Variants in ZBED6 observed in about 807,000 individuals in gnomAD.
ZBED6 encodes the protein zinc finger BED domain-containing protein 6.
In ZBED6, 40 loss-of-function variants were observed where a neutral mutation model predicts 58.4. The ratio of observed to expected loss-of-function variants is 0.68; its 90% confidence interval spans 0.53 to 0.89. The LOEUF (loss-of-function observed/expected upper bound fraction) is 0.89. Among genes scored for constraint, ZBED6 ranks in the 40% least tolerant of loss-of-function variants. The probability of loss-of-function intolerance (pLI) is 0.00; values close to 1 mark genes in which losing one functional copy is unlikely to be tolerated. For synonymous variants in ZBED6, 439 were observed against 350.6 expected, an observed-to-expected ratio of 1.25 and a Z score of -2.82; for missense variants, 1,057 against 1,003.9, an observed-to-expected ratio of 1.05 and a Z score of -0.71.
chr1:203,848,280 G>T lies in ZBED6; in HGVS notation c.*4246-51G>T, dbSNP rs376459558. 7.2e-4 allele frequency: 1,050 copies of T among 1,454,180 alleles called. 8 individuals carry two copies. The African/African-American group carries it at 0.013, about 19-fold the overall frequency. 90.1% of individuals were successfully genotyped at this position (1,454,180 alleles called of 1,614,324 possible). A position where few individuals can be genotyped will look rare whatever the true frequency, so the allele number is the denominator to read the frequency against. Reference sequence around the variant, plus strand: ...AAGTTTTGTTTAACATATCTATCATGAAGTTGCAGCTTAAATAAAATAACT... The same window carrying T: ...AAGTTTTGTTTAACATATCTATCATTAAGTTGCAGCTTAAATAAAATAACT... On this transcript the variant is annotated intron_variant, in intron 12 of 16. Coordinates refer to ENST00000550078, the Ensembl canonical transcript of ZBED6.
exon 1 of ZBED6, chr1:203,801,440 C>A (rs1289676694): frequency 6.6e-6 from 1 of 152,152 alleles, no homozygotes; most frequent in Non-Finnish European, 1.5e-5. Context: ...ATTTTAAGAT[C>A]CCTTTCTACT....
At position 203,796,330 on chromosome 1, in the gene ZBED6, A is replaced by G. The variant is rs1334624276; in HGVS notation, c.-1193A>G. The G allele has an allele frequency of 1.3e-5, 5 of 398,160 alleles. No homozygotes were observed. The highest frequency in any genetic ancestry group is 1.8e-5 in the Non-Finnish European group (4 of 225,848). 24.7% of individuals were successfully genotyped at this position (398,160 alleles called of 1,614,324 possible). On this transcript the variant is annotated 5_prime_UTR_variant, in exon 1 of 17. In the 5' UTR this introduces an upstream ATG that the reference lacks. Transcript: ENST00000550078. ...TTGGAGCTTGTCTCAAACTCCACAT[A>G]CAGAAAGCCACCGACCTTATTCCGG... is the stretch of plus-strand genomic sequence containing the variant.
At chr1:203,795,694 T>G (rs920862983), upstream of ZBED6, 4 of 152,194 alleles carry the variant, frequency 2.6e-5, no homozygotes, top group Non-Finnish European at 5.9e-5. Flanking sequence ...CTGCTGCTGC[T>G]GGGAGGACGA....
In ZBED6 at chr1:203,822,022, C is replaced by G. The variant is rs545459574; in HGVS notation, c.*2873+3333C>G. Among the ~76,000 whole-genome samples, 473 of 151,986 alleles carry G rather than the reference C, an allele frequency of 3.1e-3. 1 individual carries two copies. The highest frequency in any genetic ancestry group is 5.3e-3 in the East Asian group (27 of 5,134). On this transcript the variant is annotated intron_variant, in intron 3 of 16. Coordinates refer to ENST00000550078, the Ensembl canonical transcript of ZBED6. ...TCCGCCCGCCTTGGCCTCCCAAAGTCCTGGGATTACAGGTGTGAGCCACCG... is the reference window on the plus strand; with the variant it reads ...TCCGCCCGCCTTGGCCTCCCAAAGTGCTGGGATTACAGGTGTGAGCCACCG...
chr1:203,831,838 T>C (rs1572190970), intron 8 of ZBED6, 67 bp downstream of exon 8: 2 of 1,286,004 alleles, frequency 1.6e-6, no homozygotes, highest in East Asian at 4.9e-5. Flanking sequence ...TGCAAAATCC[T>C]TGGGTATCTT....
intron 1 of ZBED6, chr1:203,805,914 G>T: frequency 1.5e-6 from 1 of 677,930 alleles, no homozygotes; most frequent in Non-Finnish European, 2.8e-6. Context: ...TCACTTGCTT[G>T]TCTACCTTCA....
At chr1:203,808,511 T>C (rs939628652) in intron 1 of ZBED6, among the ~76,000 whole-genome samples, 1 of 152,226 alleles carries the variant, frequency 6.6e-6, no homozygotes, top group Admixed American at 6.5e-5. Context: ...AATGTTCTTA[T>C]ATTGTTTCTT....
At chr1:203,838,137 G>A (rs952284842) in intron 10 of ZBED6, 73 bp downstream of exon 10, 14 of 1,391,498 alleles carry the variant, frequency 1.0e-5, no homozygotes, top group Non-Finnish European at 1.4e-5. Flanking sequence ...TAACAGCTAT[G>A]GTTTTTCATT....
chr1:203,813,054 A>C (rs1038305427), intron 1 of ZBED6, among the ~76,000 whole-genome samples: 1 of 152,054 alleles, frequency 6.6e-6, no homozygotes, highest in Non-Finnish European at 1.5e-5. Context: ...CAAGAGTTAT[A>C]TATTTTGTAT....
chr1:203,820,482 G>GTGTGTGTGTGTGTGTGTGTA lies in ZBED6; in HGVS notation c.*2873+1794_*2873+1795insGTGTGTGTGTGTGTGTGTAT, dbSNP rs1266406820. On this transcript the variant is annotated intron_variant, in intron 3 of 16. Transcript: ENST00000550078. ...TATCACAAATTATGTGTGTGTGTGT[G>GTGTGTGTGTGTGTGTGTGTA]TATATTTTGAGTTGAGACAGAGTCT... 1.6e-3 allele frequency among the ~76,000 whole-genome samples: 245 copies of GTGTGTGTGTGTGTGTGTGTA among 151,966 alleles called. 1 individual carries two copies. Among genetic ancestry groups the GTGTGTGTGTGTGTGTGTGTA allele is most frequent in the African/African-American group, 5.6e-3 (231 of 41,458 alleles).
intron 3 of ZBED6, among the ~76,000 whole-genome samples, chr1:203,819,099 C>T (rs1433020562): frequency 2.7e-5 from 4 of 149,480 alleles, no homozygotes; most frequent in African/African-American, 7.4e-5. Flanking sequence ...TACACACACA[C>T]ACACACACAC....
At chr1:203,841,080 G>C (rs1685979890) in intron 11 of ZBED6, among the ~76,000 whole-genome samples, 1 of 151,434 alleles carries the variant, frequency 6.6e-6, no homozygotes, top group Admixed American at 6.6e-5. Context: ...TGTATCAAGT[G>C]AAGAAAGATA....
chr1:203,797,447 G>A, exon 1 of ZBED6: 2 of 1,336,034 alleles, frequency 1.5e-6, no homozygotes, highest in East Asian at 2.6e-5. Context: ...TGCAAGTAGA[G>A]AGGAACAGCT....
chr1:203,850,741 T>A (rs1689057576), intron 15 of ZBED6, 60 bp downstream of exon 15: 1 of 1,567,706 alleles, frequency 6.4e-7, no homozygotes, highest in African/African-American at 1.4e-5. Flanking sequence ...CAGGAAAGAC[T>A]AACTCTCCAC....
intron 1 of ZBED6, chr1:203,814,772 G>A (rs1163645877): frequency 6.6e-6 from 1 of 151,950 alleles, no homozygotes; most frequent in African/African-American, 2.4e-5. Context: ...TCACTTTCTG[G>A]TATGAAACTC....
At chr1:203,804,628 A>G (rs917551610) in intron 1 of ZBED6, among the ~76,000 whole-genome samples, 1 of 149,862 alleles carries the variant, frequency 6.7e-6, no homozygotes, top group Non-Finnish European at 1.5e-5. Context: ...TCTAGTTTGC[A>G]AGCATGTAAT....
exon 1 of ZBED6, chr1:203,799,209 T>G: frequency 9.9e-7 from 1 of 1,011,988 alleles, no homozygotes; most frequent in African/African-American, 1.6e-5. Context: ...CTTCATTGTT[T>G]CTGACAATTC....
At chr1:203,799,261 A>G (rs1396042176) in exon 1 of ZBED6, 4 of 763,316 alleles carry the variant, frequency 5.2e-6, no homozygotes, top group South Asian at 1.5e-5. Context: ...GGTTTTACCC[A>G]TGTGCCATGC....
chr1:203,829,955 A>G, intron 6 of ZBED6, 59 bp downstream of exon 6: 1 of 1,501,452 alleles, frequency 6.7e-7, no homozygotes, highest in South Asian at 1.1e-5. Flanking sequence ...TTTGAAATTT[A>G]GTTCACAATC....
Sources: gnomAD v4.1 joint callset for allele counts (sites outside exome capture counted in the v4.1 genomes callset) on GRCh38, gnomAD v4.1.1 for gene constraint, MANE v1.5 for transcripts, NCBI Gene and HGNC (gene_info 2026-07-23, HGNC 2026-07-21) for gene names.